The following PCDH15 variants were observed in gnomAD, a reference collection of about 807,000 sequenced individuals.
The protein encoded by PCDH15 is protocadherin-15.
PCDH15 carries 129 observed loss-of-function variants against 178.5 expected under a neutral mutation model. The observed-to-expected ratio is 0.72, with a 90% CI of 0.63 to 0.84. The LOEUF (loss-of-function observed/expected upper bound fraction) is 0.84. Among genes scored for constraint, PCDH15 ranks in the 40% least tolerant of loss-of-function variants. The pLI is 0.00. For missense variants in PCDH15, 2,230 were observed against 2,099.9 expected, an observed-to-expected ratio of 1.06 and a Z score of -1.21; for synonymous variants, 800 against 732.0, an observed-to-expected ratio of 1.09 and a Z score of -1.50.
chr10:54,174,702 CTTT>C (rs1169302544), intron 13 of PCDH15, among the ~76,000 whole-genome samples: 22 of 84,046 alleles, frequency 2.6e-4, no homozygotes, highest in Middle Eastern at 0.016. Context: ...TTTTTCTTTT[CTTT>C]TTTTTTTTTT....
At chr10:54,963,335 GTT>G (rs5785104) in intron 2 of PCDH15, among the ~76,000 whole-genome samples, 250 of 148,472 alleles carry the variant, frequency 1.7e-3, no homozygotes, top group African/African-American at 4.5e-3. Context: ...CATAAAATGT[GTT>G]TTTTTTTTTT....
chr10:55,476,617 A>G (rs1352954601), intron 2 of PCDH15, among the ~76,000 whole-genome samples: 1 of 152,056 alleles, frequency 6.6e-6, no homozygotes, highest in Non-Finnish European at 1.5e-5. Flanking sequence ...TACAGTTCCA[A>G]AAGAAACAAT....
rs1401560628 is a variant in PCDH15 at position 54,853,322 on chromosome 10, T to TACAC, written c.-29+44124_-29+44127dup. ...ATATATATATATATATATATATACA[T>TACAC]ACACACACATATACATATATATACA... On this transcript the variant is annotated intron_variant, in intron 3 of 5. Transcript: ENST00000458638. Among the ~76,000 whole-genome samples the TACAC allele has an allele frequency of 7.7e-3, 843 of 108,828 alleles. 13 individuals carry two copies. Among genetic ancestry groups the TACAC allele is most frequent in the African/African-American group, 0.028 (779 of 27,770 alleles). The allele number at this position is 108,828 out of a possible 152,430, so 71.4% of individuals were successfully genotyped here. A position where few individuals can be genotyped will look rare whatever the true frequency, so the allele number is the denominator to read the frequency against.
chr10:55,086,848 A>T (rs1360902578), intron 2 of PCDH15, among the ~76,000 whole-genome samples: 1 of 152,050 alleles, frequency 6.6e-6, no homozygotes, highest in Non-Finnish European at 1.5e-5. Context: ...ATCAGTATTA[A>T]TTTTCTGATT....
intron 15 of PCDH15, among the ~76,000 whole-genome samples, chr10:54,098,289 T>G (rs2094740012): frequency 6.6e-6 from 1 of 151,756 alleles, no homozygotes; most frequent in African/African-American, 2.4e-5. Flanking sequence ...CAAAAGACTG[T>G]TAGGGAACAG....
At position 54,378,713 on chromosome 10, in the gene PCDH15, A is replaced by C; in HGVS notation, c.318+69T>G. On this transcript the variant is annotated intron_variant, in intron 4 of 37. Coordinates refer to ENST00000644397, the MANE Select transcript of PCDH15 (RefSeq NM_001384140.1). ...TTATGTAAATAATTCAATATCATAT[A>C]AACACACACATAGACATTTAAATTA... 3 of 1,502,204 alleles carry C rather than the reference A, an allele frequency of 2.0e-6. 1 individual carries two copies. In the Admixed American group the frequency reaches 5.1e-5, roughly 26 times the overall value. 93.1% of individuals were successfully genotyped at this position (1,502,204 alleles called of 1,614,324 possible). A position where few individuals can be genotyped will look rare whatever the true frequency, so the allele number is the denominator to read the frequency against.
chr10:55,110,293 G>A (rs1837467513), intron 2 of PCDH15, among the ~76,000 whole-genome samples: 1 of 151,956 alleles, frequency 6.6e-6, no homozygotes. Context: ...GTTTTAATAA[G>A]ATATTCAATG....
chr10:53,856,603 T>C (rs1156528750), intron 28 of PCDH15, among the ~76,000 whole-genome samples: 1 of 152,132 alleles, frequency 6.6e-6, no homozygotes, highest in Non-Finnish European at 1.5e-5. Context: ...TCAAGGTATA[T>C]ATTCAATCCA....
At chr10:54,528,551 A>T (rs1589912293) in intron 2 of PCDH15, 2 of 578,770 alleles carry the variant, frequency 3.5e-6, no homozygotes, top group African/African-American at 1.9e-5. Flanking sequence ...TTGTGGAAAT[A>T]GAATATATAA....
At chr10:54,804,726 C>T (rs889947110), upstream of PCDH15, among the ~76,000 whole-genome samples, 5 of 151,190 alleles carry the variant, frequency 3.3e-5, no homozygotes, top group Non-Finnish European at 7.4e-5. Context: ...GATATAGAAA[C>T]ACATAATGCT....
chr10:54,369,218 C>T lies in PCDH15; in HGVS notation c.376G>A (p.Gly126Ser), dbSNP rs1199924026. ...VQVQCINKKV[G>S]TIIYHEVRIV... ...CGCACTTCATGGTAGATAATAGTGCCCACTTTTTTGTTGATGCACTGGACC... is the reference window on the plus strand; with the variant it reads ...CGCACTTCATGGTAGATAATAGTGCTCACTTTTTTGTTGATGCACTGGACC... The change falls in exon 5 of 38, where the codon GGC (glycine) becomes AGC (serine). Residue 126 changes from glycine (G) to serine (S), a missense_variant. By Grantham distance (56) the Gly-to-Ser change is moderately conservative. Transcript: ENST00000644397. 1.2e-6 allele frequency: 2 copies of T among 1,612,534 alleles called. No homozygotes were observed. The highest frequency in any genetic ancestry group is 2.7e-5 in the African/African-American group (2 of 74,724).
intron 2 of PCDH15, among the ~76,000 whole-genome samples, chr10:55,626,581 A>G (rs1269668480): frequency 6.6e-6 from 1 of 152,178 alleles, no homozygotes; most frequent in Non-Finnish European, 1.5e-5. Context: ...CTTTACACCT[A>G]TGAATCCATA....
At chr10:54,526,714 AC>A (rs1052706178) in intron 3 of PCDH15, among the ~76,000 whole-genome samples, 8 of 152,316 alleles carry the variant, frequency 5.3e-5, no homozygotes, top group Admixed American at 5.2e-4. Flanking sequence ...TTTTATTAAT[AC>A]TTAAATTTGT....
chr10:54,764,486 C>G (rs60231119), intron 1 of PCDH15, among the ~76,000 whole-genome samples: 2 of 131,126 alleles, frequency 1.5e-5, no homozygotes, highest in Non-Finnish European at 3.5e-5. Flanking sequence ...AAGAATGCCC[C>G]AAACTAAGTA....
chr10:55,342,406 T>A (rs1339517197), intron 2 of PCDH15, among the ~76,000 whole-genome samples: 1 of 151,994 alleles, frequency 6.6e-6, no homozygotes, highest in African/African-American at 2.4e-5. Context: ...TTATATTAGG[T>A]CATAGAATTG....
intron 24 of PCDH15, among the ~76,000 whole-genome samples, chr10:53,939,719 G>A (rs1347835132): frequency 1.3e-5 from 2 of 151,968 alleles, no homozygotes; most frequent in East Asian, 3.9e-4. Context: ...TAGAAGAGTA[G>A]TTAATACATA....
intron 26 of PCDH15, among the ~76,000 whole-genome samples, chr10:53,872,453 C>T (rs1238526153): frequency 6.6e-6 from 1 of 152,170 alleles, no homozygotes; most frequent in African/African-American, 2.4e-5. Context: ...CTGCAAACTG[C>T]CTTTTGCTCC....
intron 2 of PCDH15, among the ~76,000 whole-genome samples, chr10:55,610,033 T>C (rs974318686): frequency 6.6e-6 from 1 of 152,070 alleles, no homozygotes; most frequent in South Asian, 2.1e-4. Context: ...GATTTTATAC[T>C]GAAAACTTCC....
chr10:53,889,651 T>G (rs538516494), intron 26 of PCDH15, among the ~76,000 whole-genome samples: 4 of 152,322 alleles, frequency 2.6e-5, no homozygotes, highest in African/African-American at 9.6e-5. Flanking sequence ...ATCTATCTAT[T>G]AAGTCTGAAC....
Sources: gnomAD v4.1 joint callset for allele counts (sites outside exome capture counted in the v4.1 genomes callset) on GRCh38, gnomAD v4.1.1 for gene constraint, MANE v1.5 for transcripts, NCBI Gene and HGNC (gene_info 2026-07-23, HGNC 2026-07-21) for gene names.